The following ROBO1 variants were observed in gnomAD, a reference collection of about 807,000 sequenced individuals.
ROBO1 encodes the protein roundabout homolog 1.
ROBO1 carries 149 observed loss-of-function variants against 195.9 expected under a neutral mutation model. The ratio of observed to expected loss-of-function variants is 0.76; its 90% CI spans 0.67 to 0.87. The LOEUF (loss-of-function observed/expected upper bound fraction) is 0.87, where lower values mean the gene tolerates loss of function less well. Among genes scored for constraint, ROBO1 ranks in the 40% least tolerant of loss-of-function variants. The pLI, the probability that ROBO1 is intolerant of heterozygous loss-of-function variation, is 0.00. For missense variants in ROBO1, 1,933 were observed against 2,068.3 expected (o/e 0.93, Z 1.27); for synonymous variants, 816 against 733.2 (o/e 1.11, Z -1.82).
chr3:79,415,845 G>C (rs1484183293), intron 2 of ROBO1, among the ~76,000 whole-genome samples: 2 of 152,082 alleles, frequency 1.3e-5, no homozygotes, highest in South Asian at 2.1e-4. Flanking sequence ...CAATGATGTT[G>C]GTTGGTGAAT....
intron 2 of ROBO1, among the ~76,000 whole-genome samples, chr3:79,562,518 G>T (rs946315929): frequency 2.0e-5 from 3 of 152,106 alleles, no homozygotes; most frequent in African/African-American, 7.2e-5. Flanking sequence ...AAGATAGTAT[G>T]ACTTTATTGT....
chr3:78,800,015 G>A (rs1332176041), intron 4 of ROBO1, among the ~76,000 whole-genome samples: 1 of 152,140 alleles, frequency 6.6e-6, no homozygotes, highest in African/African-American at 2.4e-5. Flanking sequence ...AGGGCCTCAT[G>A]ACACATTGTA....
At chr3:79,687,929 C>G (rs1166653580) in intron 1 of ROBO1, among the ~76,000 whole-genome samples, 5 of 151,878 alleles carry the variant, frequency 3.3e-5, no homozygotes, top group African/African-American at 1.2e-4. Flanking sequence ...ATGTATGTTT[C>G]TTGTGGCACT....
chr3:78,867,861 C>T (rs1277901153), intron 4 of ROBO1, among the ~76,000 whole-genome samples: 1 of 152,042 alleles, frequency 6.6e-6, no homozygotes, highest in Non-Finnish European at 1.5e-5. Flanking sequence ...CTGCCATCTC[C>T]GAAAATCTCA....
intron 4 of ROBO1, among the ~76,000 whole-genome samples, chr3:78,816,727 G>C (rs1442751492): frequency 6.6e-6 from 1 of 152,164 alleles, no homozygotes; most frequent in East Asian, 1.9e-4. Context: ...AAATGTGATG[G>C]AAACAGCAAG....
chr3:78,725,998 G>A (rs1457660), intron 5 of ROBO1, among the ~76,000 whole-genome samples: 151,879 of 152,072 alleles, frequency 1, 75,843 homozygotes, highest in Non-Finnish European at 1. Flanking sequence ...TTAACACAGT[G>A]AACAGACTGG....
intron 1 of ROBO1, among the ~76,000 whole-genome samples, chr3:79,603,300 T>C (rs764982643): frequency 2.0e-5 from 3 of 152,000 alleles, no homozygotes; most frequent in African/African-American, 7.2e-5. Flanking sequence ...TTCATTACCT[T>C]GCCAGCCCAG....
chr3:79,402,096 G>A (rs1259206944), intron 2 of ROBO1, among the ~76,000 whole-genome samples: 3 of 151,580 alleles, frequency 2.0e-5, no homozygotes, highest in East Asian at 1.9e-4. Context: ...CTTTGAGAAC[G>A]TAAATCTCAA....
chr3:79,354,648 A>T (rs184860449), intron 2 of ROBO1, among the ~76,000 whole-genome samples: 188 of 152,154 alleles, frequency 1.2e-3, no homozygotes, highest in African/African-American at 4.4e-3. Flanking sequence ...CCTTTTATAG[A>T]TTTGTCTTGA....
chr3:78,734,992 A>T (rs1156388998), intron 5 of ROBO1, among the ~76,000 whole-genome samples: 3 of 152,192 alleles, frequency 2.0e-5, no homozygotes, highest in Admixed American at 2.0e-4. Flanking sequence ...GGGCATGCAG[A>T]TTATACATTA....
chr3:79,017,102 TTTTC>T (rs1358976960), intron 3 of ROBO1, among the ~76,000 whole-genome samples: 2 of 152,164 alleles, frequency 1.3e-5, no homozygotes, highest in African/African-American at 4.8e-5. Context: ...TCACTTTCTG[TTTTC>T]TTTAAAGAAG....
chr3:79,636,156 C>A (rs2108047298), intron 1 of ROBO1, among the ~76,000 whole-genome samples: 1 of 152,166 alleles, frequency 6.6e-6, no homozygotes, highest in African/African-American at 2.4e-5. Context: ...AGGATAATTT[C>A]AGTATAGAAT....
chr3:78,770,233 T>C (rs2083337756), intron 4 of ROBO1, among the ~76,000 whole-genome samples: 1 of 152,290 alleles, frequency 6.6e-6, no homozygotes, highest in African/African-American at 2.4e-5. Flanking sequence ...GTTTGGTCAT[T>C]TAACCTAATC....
Position 79,087,674 on chromosome 3 carries a change from G to T in ROBO1, c.172+37782C>A, listed in dbSNP as rs537522338. Among the ~76,000 whole-genome samples, 21 of 151,726 alleles carry T rather than the reference G, an allele frequency of 1.4e-4. No homozygotes were observed. The South Asian group carries it at 4.4e-3, about 32-fold the overall frequency. On this transcript the variant is annotated intron_variant, in intron 3 of 30. Transcript: ENST00000464233. ...TTTCTCTAATTATCAAGTAGAAATG[G>T]ATGCTAAGCTAAGCTTGTGATTTTT...
chr3:78,904,744 ATGTATATATGTG>A (rs1463158084), intron 4 of ROBO1, among the ~76,000 whole-genome samples: 1 of 150,106 alleles, frequency 6.7e-6, no homozygotes, highest in Non-Finnish European at 1.5e-5. Flanking sequence ...ATATATGTAT[ATGTATATATGTG>A]TGTATATATA....
intron 2 of ROBO1, among the ~76,000 whole-genome samples, chr3:79,209,928 T>G (rs557491454): frequency 1.3e-5 from 2 of 152,132 alleles, no homozygotes; most frequent in South Asian, 4.1e-4. Context: ...AAGAATTCAA[T>G]CCCCTTTTTT....
At chr3:79,038,221 A>G (rs2078416588) in intron 3 of ROBO1, among the ~76,000 whole-genome samples, 1 of 152,182 alleles carries the variant, frequency 6.6e-6, no homozygotes, top group Admixed American at 6.5e-5. Context: ...GAACTGAAAC[A>G]AGAACACATT....
In ROBO1 at chr3:79,485,649, C is replaced by T. The variant is rs570816583; in HGVS notation, c.88+104175G>A. On this transcript the variant is annotated intron_variant, in intron 2 of 30. Transcript: ENST00000464233. ...TTTAAAATTATTAACTCATTTAATC[C>T]TTACAACAACTCCATCCCCATTTTG... 1.1e-4 allele frequency among the ~76,000 whole-genome samples: 16 copies of T among 152,192 alleles called. No homozygotes were observed. The South Asian group carries it at 3.1e-3, about 30-fold the overall frequency.
Position 79,570,339 on chromosome 3 carries a change from G to C in ROBO1, c.88+19485C>G, listed in dbSNP as rs537829609. Among the ~76,000 whole-genome samples, 6 of 151,168 alleles carry C rather than the reference G, an allele frequency of 4.0e-5. No individual in the cohort carries two copies. In the East Asian group the frequency reaches 1.2e-3, roughly 30 times the overall value. ...GCAGTTATTTTTACGTCCCTGCTTA[G>C]GCTTCCAAGAGAGAAAGTTTCAATT... On this transcript the variant is annotated intron_variant, in intron 2 of 30. Coordinates refer to ENST00000464233, the MANE Select transcript of ROBO1 (RefSeq NM_002941.4).
Sources: allele counts gnomAD v4.1 joint callset (sites outside exome capture counted in the v4.1 genomes callset), GRCh38; gene constraint gnomAD v4.1.1; transcripts MANE v1.5; gene names NCBI Gene and HGNC (gene_info 2026-07-23, HGNC 2026-07-21).